The following FGF10 variants were observed in gnomAD, a reference collection of about 807,000 sequenced individuals.
FGF10 encodes fibroblast growth factor 10.
Under a neutral mutation model 19.8 loss-of-function variants are expected in FGF10, and 2 were observed. That is an observed-to-expected ratio of 0.10 (90% CI 0.04 to 0.32). FGF10 has a LOEUF of 0.32. Among genes scored for constraint, FGF10 ranks in the 10% least tolerant of loss-of-function variants. The pLI, the probability that FGF10 is intolerant of heterozygous loss-of-function variation, is 1.00. For missense variants in FGF10, 191 were observed against 246.3 expected (o/e 0.78, Z 1.50); for synonymous variants, 112 against 94.0 (o/e 1.19, Z -1.10).
Position 44,304,639 on chromosome 5 carries a change from C to A in FGF10, c.*356G>T. ...GTTCGTATTCCATAAATAACTTTCC[C>A]GAAGATCGTTCTTTCAACAGATTGT... On this transcript the variant is annotated 3_prime_UTR_variant, in exon 3 of 3. Transcript: ENST00000264664. The A allele has an allele frequency of 3.7e-6, 1 of 268,024 alleles. No homozygotes were observed. The highest frequency in any genetic ancestry group is 7.3e-6 in the Non-Finnish European group (1 of 137,570). The allele number at this position is 268,024 out of a possible 1,614,324, so 16.6% of individuals were successfully genotyped here.
At chr5:44,330,151 A>G (rs1740697635) in intron 1 of FGF10, among the ~76,000 whole-genome samples, 1 of 152,196 alleles carries the variant, frequency 6.6e-6, no homozygotes, top group Non-Finnish European at 1.5e-5. Flanking sequence ...TTTCAAAAGT[A>G]TTGCATTTTC....
In FGF10 at chr5:44,378,599, T is replaced by A. The variant is rs189683815; in HGVS notation, c.325+9759A>T. ...GGCGCCCGCCACCGCGCCCGGCTAATTTTTTGTATTTTTAGTAGAGACGGG... is the reference window on the plus strand; with the variant it reads ...GGCGCCCGCCACCGCGCCCGGCTAAATTTTTGTATTTTTAGTAGAGACGGG... On this transcript the variant is annotated intron_variant, in intron 1 of 2. Coordinates refer to ENST00000264664, the MANE Select transcript of FGF10 (RefSeq NM_004465.2). Among the ~76,000 whole-genome samples the A allele has an allele frequency of 1.8e-3, 273 of 152,190 alleles. 1 individual carries two copies. The highest frequency in any genetic ancestry group is 6.2e-3 in the African/African-American group (259 of 41,524).
intron 1 of FGF10, among the ~76,000 whole-genome samples, chr5:44,327,653 T>C (rs1001639307): frequency 2.0e-5 from 3 of 152,208 alleles, no homozygotes; most frequent in Middle Eastern, 3.2e-3. Flanking sequence ...CTTTCTGACA[T>C]GGTAGGATAT....
chr5:44,319,465 G>A (rs1203121296), intron 1 of FGF10, among the ~76,000 whole-genome samples: 1 of 152,102 alleles, frequency 6.6e-6, no homozygotes, highest in African/African-American at 2.4e-5. Flanking sequence ...TTTCCTGTAA[G>A]AAAAAGTCTT....
intron 1 of FGF10, among the ~76,000 whole-genome samples, chr5:44,337,773 C>G (rs1405392417): frequency 6.6e-6 from 1 of 152,048 alleles, no homozygotes; most frequent in African/African-American, 2.4e-5. Flanking sequence ...AAACCCGTCT[C>G]TACTAAAAAT....
intron 1 of FGF10, among the ~76,000 whole-genome samples, chr5:44,364,171 C>G (rs1485311972): frequency 2.6e-5 from 4 of 151,838 alleles, no homozygotes; most frequent in Admixed American, 1.3e-4. Context: ...CTTACTGTGA[C>G]TCTTTTTAAA....
At chr5:44,355,559 A>G (rs1262361856) in intron 1 of FGF10, among the ~76,000 whole-genome samples, 1 of 151,344 alleles carries the variant, frequency 6.6e-6, no homozygotes, top group African/African-American at 2.4e-5. Context: ...AAAGCAGAGA[A>G]CTAACAAACG....
intron 1 of FGF10, among the ~76,000 whole-genome samples, chr5:44,310,831 A>G (rs1740194450): frequency 6.6e-6 from 1 of 152,082 alleles, no homozygotes; most frequent in Non-Finnish European, 1.5e-5. Flanking sequence ...CTAACTCTGC[A>G]TTTTCAACCC....
At chr5:44,317,091 C>T (rs1186695109) in intron 1 of FGF10, among the ~76,000 whole-genome samples, 3 of 152,124 alleles carry the variant, frequency 2.0e-5, no homozygotes, top group Non-Finnish European at 4.4e-5. Context: ...ATCTCATTGC[C>T]ATTAAAAGGA....
Position 44,388,394 on chromosome 5 carries a change from T to C in FGF10, c.289A>G (p.Lys97Glu), listed in dbSNP as rs1274894561. The C allele has an allele frequency of 1.9e-6, 3 of 1,613,590 alleles. No homozygotes were observed. The highest frequency in any genetic ancestry group is 1.7e-5 in the Admixed American group (1 of 60,010). Residue 97 changes from lysine to glutamate, a missense_variant, in exon 1 of 3, where the codon AAG (lysine) becomes GAG (glutamate). By Grantham distance (56) the Lys-to-Glu change is moderately conservative. Around this residue, in one of 2 missense-constraint regions of FGF10, gnomAD observed 99 missense variants for 161.7 expected, o/e 0.61. Coordinates refer to ENST00000264664, the MANE Select transcript of FGF10 (RefSeq NM_004465.2). ...KYFLKIEKNG[K>E]VSGTKKENCP... ...TTCTCCTTCTTGGTCCCGCTGACCTTCCCGTTCTTCTCAATCTTGAGAAAG... is the reference window on the plus strand; with the variant it reads ...TTCTCCTTCTTGGTCCCGCTGACCTCCCCGTTCTTCTCAATCTTGAGAAAG...
At position 44,303,452 on chromosome 5, in the gene FGF10, C is replaced by G. The variant is rs1740005322; in HGVS notation, c.*1543G>C. 1 of 151,952 alleles carries G rather than the reference C, an allele frequency of 6.6e-6. No individual in the cohort carries two copies. 9.4% of individuals were successfully genotyped at this position (151,952 alleles called of 1,614,324 possible). ...AAGAAATATGAAGATAAAACTGCAG[C>G]ATCAATATACTATTATAGTTATTGC... On this transcript the variant is annotated 3_prime_UTR_variant, in exon 3 of 3. Transcript: ENST00000264664.
In FGF10 at chr5:44,305,100, C is replaced by T. The variant is rs1740046017; in HGVS notation, c.522G>A (p.Arg174=). 6.2e-7 allele frequency: 1 copy of T among 1,613,954 alleles called. No homozygotes were observed. Among genetic ancestry groups the T allele is most frequent in the Non-Finnish European group, 8.5e-7 (1 of 1,179,898 alleles). ...YASFNWQHNG[R]QMYVALNGKG... Reference sequence around the variant, plus strand: ...TTCCATTCAATGCCACATACATTTGCCTCCCATTATGCTGCCAGTTAAATG... The same window carrying T: ...TTCCATTCAATGCCACATACATTTGTCTCCCATTATGCTGCCAGTTAAATG... The change falls in exon 3 of 3, where the codon AGG becomes AGA. Residue 174 remains arginine, a synonymous_variant. Transcript: ENST00000264664.
At chr5:44,333,391 A>T (rs1173948163) in intron 1 of FGF10, among the ~76,000 whole-genome samples, 1 of 152,180 alleles carries the variant, frequency 6.6e-6, no homozygotes, top group Admixed American at 6.6e-5. Flanking sequence ...GACCTAAGCA[A>T]GGAAGCCAAC....
At chr5:44,330,440 C>A (rs1285545633) in intron 1 of FGF10, among the ~76,000 whole-genome samples, 2 of 152,180 alleles carry the variant, frequency 1.3e-5, no homozygotes, top group Non-Finnish European at 2.9e-5. Context: ...AAGATCAGAT[C>A]CAAGCCTTTT....
At chr5:44,347,610 G>A (rs1741117191) in intron 1 of FGF10, among the ~76,000 whole-genome samples, 1 of 151,484 alleles carries the variant, frequency 6.6e-6, no homozygotes, top group African/African-American at 2.4e-5. Flanking sequence ...CTTTTTTGGG[G>A]GGCACCTTTT....
chr5:44,359,392 A>G (rs2111848403), intron 1 of FGF10, among the ~76,000 whole-genome samples: 1 of 151,640 alleles, frequency 6.6e-6, no homozygotes, highest in East Asian at 2.0e-4. Context: ...TCTTCCTGAC[A>G]TTTGTCATTG....
rs557559884 is a variant in FGF10 at position 44,308,703 on chromosome 5, A to G, written c.429+1724T>C. ...CTCTGACCCCCATGCAAAAAAAAGC[A>G]TTTGCCCTAGTCCCAGGGACCAACT... On this transcript the variant is annotated intron_variant, in intron 2 of 2. Transcript: ENST00000264664. Among the ~76,000 whole-genome samples, 3 of 152,214 alleles carry G rather than the reference A, an allele frequency of 2.0e-5. No individual in the cohort carries two copies. In the East Asian group the frequency reaches 5.8e-4, roughly 29 times the overall value.
intron 1 of FGF10, among the ~76,000 whole-genome samples, chr5:44,335,267 G>T (rs1443154446): frequency 1.3e-5 from 2 of 152,054 alleles, no homozygotes; most frequent in East Asian, 3.9e-4. Context: ...ATGGTGAGAA[G>T]AAATGACCTA....
chr5:44,334,036 G>C (rs1163553223), intron 1 of FGF10, among the ~76,000 whole-genome samples: 1 of 151,926 alleles, frequency 6.6e-6, no homozygotes, highest in Non-Finnish European at 1.5e-5. Flanking sequence ...TGGTCACGTG[G>C]GGCAAAAGGT....
Sources: gnomAD v4.1 joint callset for allele counts (sites outside exome capture counted in the v4.1 genomes callset) on GRCh38, gnomAD v4.1.1 for gene constraint, gnomAD v4.1.1 regional missense constraint, MANE v1.5 for transcripts, NCBI Gene and HGNC (gene_info 2026-07-23, HGNC 2026-07-21) for gene names.